GMPR2: variants seen among roughly 807,000 people sequenced by gnomAD.
The protein encoded by GMPR2 is GMP reductase 2.
In GMPR2, 32 loss-of-function variants were observed where a neutral mutation model predicts 38.5. That is an observed-to-expected ratio of 0.83 (90% CI 0.63 to 1.12). The LOEUF (loss-of-function observed/expected upper bound fraction) is 1.12. GMPR2 is among the 50% of genes most tolerant of loss of function. The pLI is 0.00. For synonymous variants in GMPR2, 154 were observed against 151.0 expected (o/e 1.02, Z -0.15); for missense variants, 396 against 432.1 (o/e 0.92, Z 0.74).
chr14:24,237,081 T>G lies in GMPR2; in HGVS notation c.476T>G (p.Val159Gly). 1 of 1,612,212 alleles carries G rather than the reference T, an allele frequency of 6.2e-7. No individual in the cohort carries two copies. The highest frequency in any genetic ancestry group is 8.5e-7 in the Non-Finnish European group (1 of 1,178,300). Reference protein sequence around the residue: ...FPQHTIMAGNVVTGEMVEELI... With the variant: ...FPQHTIMAGNGVTGEMVEELI... ...ATTGCTCTGTCTCAGGCAGGGAATG[T>G]GGTAACAGGAGAGATGGTAGAAGAG... Residue 159 changes from valine to glycine, a missense_variant, in exon 6 of 10, where the codon GTG (valine) becomes GGG (glycine). By Grantham distance (109) the Val-to-Gly change is moderately radical (BLOSUM62 -3). Coordinates refer to ENST00000399440, the MANE Select transcript of GMPR2 (RefSeq NM_001002002.3).
intron 8 of GMPR2, chr14:24,237,820 A>G (rs1374521018): frequency 1.3e-5 from 7 of 550,408 alleles, no homozygotes; most frequent in South Asian, 2.5e-5. Context: ...ATACCTAAAA[A>G]TAGGCTCTGA....
intron 3 of GMPR2, among the ~76,000 whole-genome samples, chr14:24,233,902 CCT>C (rs2040207258): frequency 6.6e-6 from 1 of 152,192 alleles, no homozygotes; most frequent in African/African-American, 2.4e-5. Context: ...CAGGTCACCC[CCT>C]CACAGTCACA....
intron 2 of GMPR2, 47 bp downstream of exon 2, chr14:24,233,387 T>C (rs1341850947): frequency 1.2e-6 from 2 of 1,610,946 alleles, no homozygotes; most frequent in Middle Eastern, 1.7e-4. Flanking sequence ...ACGCTCCCGG[T>C]GGGCCACAAC....
chr14:24,237,638 AAG>A, intron 8 of GMPR2, 76 bp downstream of exon 8: 1 of 1,279,434 alleles, frequency 7.8e-7, no homozygotes, highest in Middle Eastern at 1.9e-4. Flanking sequence ...GGGTCAGGCT[AAG>A]AGAGGCTCAG....
intron 3 of GMPR2, 40 bp from the exon 4 acceptor site, chr14:24,235,697 A>G (rs752272592): frequency 7.4e-7 from 1 of 1,349,182 alleles, no homozygotes; most frequent in South Asian, 1.2e-5. Flanking sequence ...GACCTTAATA[A>G]AGTTTTCTCC....
intron 7 of GMPR2, 27 bp downstream of exon 7, chr14:24,237,378 T>C: frequency 6.6e-7 from 1 of 1,519,188 alleles, no homozygotes; most frequent in South Asian, 1.1e-5. Context: ...GGGTAGGGTA[T>C]GAGCGGGGTT....
chr14:24,238,412 G>C lies in GMPR2; in HGVS notation c.857+7G>C. 2 of 1,614,104 alleles carry C rather than the reference G, an allele frequency of 1.2e-6. No homozygotes were observed. Among genetic ancestry groups the C allele is most frequent in the Non-Finnish European group, 1.7e-6 (2 of 1,180,026 alleles). ...GGGGCGTGGCTGAGTACAGGTATGT[G>C]TGGAGGCCCAGGAGCTTAGTAATAG... On this transcript the variant is annotated splice_region_variant and intron_variant, in intron 9 of 9. Coordinates refer to ENST00000399440, the MANE Select transcript of GMPR2 (RefSeq NM_001002002.3).
At chr14:24,238,531 A>C in intron 9 of GMPR2, 58 bp from the exon 10 acceptor site, 1 of 1,614,114 alleles carries the variant, frequency 6.2e-7, no homozygotes, top group Non-Finnish European at 8.5e-7. Context: ...TCTGTGGAAA[A>C]GTCCCTGGGC....
chr14:24,233,063 A>G, intron 1 of GMPR2, 86 bp downstream of exon 1: 1 of 853,082 alleles, frequency 1.2e-6, no homozygotes. Flanking sequence ...GCCCTAGGGT[A>G]ATCGCAGCCA....
At chr14:24,237,831 G>A in intron 8 of GMPR2, 1 of 545,878 alleles carries the variant, frequency 1.8e-6, no homozygotes, top group East Asian at 2.9e-5. Flanking sequence ...TAGGCTCTGA[G>A]GAATGGGACA....
At chr14:24,236,462 G>T (rs1235752966) in intron 5 of GMPR2, among the ~76,000 whole-genome samples, 1 of 152,160 alleles carries the variant, frequency 6.6e-6, no homozygotes, top group African/African-American at 2.4e-5. Context: ...ACATAAAAAG[G>T]GGTCACATGA....
At chr14:24,233,385 G>C (rs2040154889) in intron 2 of GMPR2, 45 bp downstream of exon 2, 1 of 1,610,236 alleles carries the variant, frequency 6.2e-7, no homozygotes, top group African/African-American at 1.3e-5. Context: ...CCACGCTCCC[G>C]GTGGGCCACA....
Position 24,239,231 on chromosome 14 carries a change from A to G in GMPR2, c.*453A>G, listed in dbSNP as rs1344857901. On this transcript the variant is annotated 3_prime_UTR_variant, in exon 10 of 10. Coordinates refer to ENST00000399440, the MANE Select transcript of GMPR2 (RefSeq NM_001002002.3). ...AAATACCTCAATAAAGAGAGAGCTC[A>G]TTGACTGTAAAGAGATGCTGGGGCT... 2.8e-6 allele frequency: 1 copy of G among 362,598 alleles called. No homozygotes were observed. Among genetic ancestry groups the G allele is most frequent in the Non-Finnish European group, 5.3e-6 (1 of 187,008 alleles). 22.5% of individuals were successfully genotyped at this position (362,598 alleles called of 1,614,324 possible). A position where few individuals can be genotyped will look rare whatever the true frequency, so the allele number is the denominator to read the frequency against.
intron 3 of GMPR2, 149 bp downstream of exon 3, chr14:24,233,747 G>C (rs1158022860): frequency 2.4e-6 from 2 of 834,184 alleles, no homozygotes; most frequent in Non-Finnish European, 4.0e-6. Context: ...CACTACTGAA[G>C]CCCTTTATCT....
chr14:24,237,320 C>A lies in GMPR2; in HGVS notation c.623C>A (p.Ala208Asp). Reference protein sequence around the residue: ...QLSAVMECADAAHGLKGHIIS... With the variant: ...QLSAVMECADDAHGLKGHIIS... ...AGCGCAGTGATGGAGTGTGCAGATG[C>A]TGCTCATGGCCTCAAAGGCCACATC... The change falls in exon 7 of 10, where the codon GCT becomes GAT. Residue 208 changes from alanine to aspartate, a missense_variant. Transcript: ENST00000399440. 1.2e-6 allele frequency: 2 copies of A among 1,610,248 alleles called. No homozygotes were observed. The highest frequency in any genetic ancestry group is 1.1e-5 in the South Asian group (1 of 91,006).
intron 3 of GMPR2, 129 bp downstream of exon 3, chr14:24,233,727 C>T: frequency 1.9e-6 from 2 of 1,039,492 alleles, no homozygotes; most frequent in Non-Finnish European, 1.5e-6. Context: ...CTCTGATTTA[C>T]GGTTTTTTCC....
chr14:24,232,647 A>G (rs928674356), upstream of GMPR2: 4 of 284,466 alleles, frequency 1.4e-5, no homozygotes, highest in African/African-American at 6.6e-5. Flanking sequence ...CGGATCCAAC[A>G]GCAACCTCAG....
chr14:24,235,386 G>A (rs907318081), intron 3 of GMPR2: 16 of 310,252 alleles, frequency 5.2e-5, no homozygotes, highest in Non-Finnish European at 8.5e-5. Context: ...AGAAACACAG[G>A]CTCCATCCAG....
upstream of GMPR2, chr14:24,232,748 C>T: frequency 4.4e-6 from 1 of 229,354 alleles, no homozygotes; most frequent in Non-Finnish European, 8.8e-6. Context: ...ACTAGAGGAA[C>T]CTGTTGGCGT....
Sources: allele counts gnomAD v4.1 joint callset (sites outside exome capture counted in the v4.1 genomes callset), GRCh38; gene constraint gnomAD v4.1.1; transcripts MANE v1.5; gene names NCBI Gene and HGNC (gene_info 2026-07-23, HGNC 2026-07-21).